SEPTIN7: variants seen among roughly 807,000 people sequenced by gnomAD.
SEPTIN7 encodes septin-7.
SEPTIN7 carries 10 observed loss-of-function variants against 63.3 expected under a neutral mutation model. That is an observed-to-expected ratio of 0.16 (90% CI 0.10 to 0.27). The LOEUF (loss-of-function observed/expected upper bound fraction) is 0.27. SEPTIN7 is among the 10% of genes least tolerant of loss of function. The probability of loss-of-function intolerance (pLI) is 1.00; values close to 1 mark genes in which losing one functional copy is unlikely to be tolerated. For synonymous variants in SEPTIN7, 131 were observed against 165.3 expected, an observed-to-expected ratio of 0.79 and a Z score of 1.59; for missense variants, 310 against 521.0, an observed-to-expected ratio of 0.59 and a Z score of 3.94.
intron 1 of SEPTIN7, among the ~76,000 whole-genome samples, chr7:35,827,653 G>C (rs1326716104): frequency 2.0e-5 from 3 of 152,048 alleles, no homozygotes; most frequent in African/African-American, 7.2e-5. Context: ...ACTATGCCCA[G>C]CTAATTTATG....
At chr7:35,896,368 G>C (rs1477488895) in intron 11 of SEPTIN7, among the ~76,000 whole-genome samples, 1 of 152,114 alleles carries the variant, frequency 6.6e-6, no homozygotes, top group African/African-American at 2.4e-5. Context: ...ATTGTTTTTA[G>C]ATTGTTTCTT....
At chr7:35,856,749 G>T (rs1286670807) in intron 3 of SEPTIN7, among the ~76,000 whole-genome samples, 2 of 152,218 alleles carry the variant, frequency 1.3e-5, no homozygotes, top group Non-Finnish European at 2.9e-5. Context: ...GAGCCTCAAG[G>T]TGGGGAGATG....
intron 9 of SEPTIN7, among the ~76,000 whole-genome samples, chr7:35,884,756 A>G (rs1787124555): frequency 6.6e-6 from 1 of 152,204 alleles, no homozygotes; most frequent in Non-Finnish European, 1.5e-5. Context: ...AATTTCGTTA[A>G]TAAGAGATCC....
chr7:35,810,194 A>G (rs1788601072), intron 1 of SEPTIN7, among the ~76,000 whole-genome samples: 1 of 152,142 alleles, frequency 6.6e-6, no homozygotes. Context: ...TGTGCTTTGA[A>G]TTTTTATGTT....
intron 3 of SEPTIN7, chr7:35,838,530 C>A (rs1234110312): frequency 1.3e-5 from 2 of 151,214 alleles, no homozygotes; most frequent in Non-Finnish European, 2.9e-5. Context: ...CCACCGTGCC[C>A]AGCTAATTTT....
At chr7:35,822,497 A>G (rs1197111750) in intron 1 of SEPTIN7, among the ~76,000 whole-genome samples, 1 of 152,158 alleles carries the variant, frequency 6.6e-6, no homozygotes, top group East Asian at 1.9e-4. Context: ...AACAGTTCAC[A>G]ATAGGGTTCA....
intron 1 of SEPTIN7, among the ~76,000 whole-genome samples, chr7:35,806,715 G>A (rs1473994837): frequency 6.6e-6 from 1 of 152,152 alleles, no homozygotes; most frequent in Admixed American, 6.5e-5. Flanking sequence ...GGTAACCACT[G>A]ATAAGATTTC....
downstream of SEPTIN7, among the ~76,000 whole-genome samples, chr7:35,911,519 G>A (rs1788740981): frequency 6.6e-6 from 1 of 152,126 alleles, no homozygotes; most frequent in African/African-American, 2.4e-5. Context: ...GATTCCTATG[G>A]AATCATTATT....
At chr7:35,808,315 A>G (rs1369356277) in intron 1 of SEPTIN7, among the ~76,000 whole-genome samples, 5 of 152,200 alleles carry the variant, frequency 3.3e-5, no homozygotes, top group Non-Finnish European at 7.3e-5. Context: ...GGAAGTTAAA[A>G]ACATTTATCC....
chr7:35,823,846 C>T (rs1297877791), intron 1 of SEPTIN7, among the ~76,000 whole-genome samples: 1 of 151,898 alleles, frequency 6.6e-6, no homozygotes, highest in Non-Finnish European at 1.5e-5. Context: ...TCTTAAAATC[C>T]CCTACTTCTC....
chr7:35,804,802 A>G (rs1464445541), intron 1 of SEPTIN7, among the ~76,000 whole-genome samples: 1 of 149,366 alleles, frequency 6.7e-6, no homozygotes, highest in African/African-American at 2.5e-5. Context: ...ACTGTAAACA[A>G]TTATGACAAA....
At chr7:35,858,803 C>G (rs1439147351) in intron 3 of SEPTIN7, among the ~76,000 whole-genome samples, 1 of 151,972 alleles carries the variant, frequency 6.6e-6, no homozygotes, top group Non-Finnish European at 1.5e-5. Context: ...GCCTCAGCCT[C>G]CCAAGTAGCT....
At chr7:35,896,190 TG>T (rs1241218888) in intron 11 of SEPTIN7, among the ~76,000 whole-genome samples, 5 of 152,122 alleles carry the variant, frequency 3.3e-5, no homozygotes, top group Non-Finnish European at 7.4e-5. Flanking sequence ...ATAATTTAGG[TG>T]GCAAAAATAC....
intron 11 of SEPTIN7, among the ~76,000 whole-genome samples, chr7:35,891,432 A>G (rs1787637868): frequency 6.6e-6 from 1 of 152,212 alleles, no homozygotes; most frequent in Non-Finnish European, 1.5e-5. Context: ...TGGTCTAGCT[A>G]TTCCTTGCAG....
chr7:35,888,033 G>A lies in SEPTIN7; in HGVS notation c.872+2154G>A, dbSNP rs75873404. 1.5e-4 allele frequency among the ~76,000 whole-genome samples: 23 copies of A among 152,210 alleles called. No individual in the cohort carries two copies. The East Asian group carries it at 4.2e-3, about 28-fold the overall frequency. On this transcript the variant is annotated intron_variant, in intron 10 of 13. Coordinates refer to ENST00000350320, the MANE Select transcript of SEPTIN7 (RefSeq NM_001788.6). ...TAATTAAGAGAACTAACTTACTCCAGGCAAACCAAGGAAGACGATGGAAAG... is the reference window on the plus strand; with the variant it reads ...TAATTAAGAGAACTAACTTACTCCAAGCAAACCAAGGAAGACGATGGAAAG...
At chr7:35,810,670 G>T (rs1299816978) in intron 1 of SEPTIN7, among the ~76,000 whole-genome samples, 5 of 152,032 alleles carry the variant, frequency 3.3e-5, no homozygotes, top group Non-Finnish European at 7.4e-5. Flanking sequence ...CACAGCAGCA[G>T]TTGCTTCAGA....
At chr7:35,815,435 A>G (rs910568931) in intron 1 of SEPTIN7, among the ~76,000 whole-genome samples, 1 of 152,230 alleles carries the variant, frequency 6.6e-6, no homozygotes, top group Admixed American at 6.5e-5. Flanking sequence ...TGGTACATCG[A>G]TTCCAATCTA....
chr7:35,892,720 A>G (rs1787722334), intron 11 of SEPTIN7, among the ~76,000 whole-genome samples: 1 of 152,040 alleles, frequency 6.6e-6, no homozygotes, highest in African/African-American at 2.4e-5. Flanking sequence ...TGCATATACA[A>G]AATTCTACTG....
intron 13 of SEPTIN7, among the ~76,000 whole-genome samples, chr7:35,903,811 A>G (rs547204219): frequency 9.2e-5 from 14 of 152,328 alleles, no homozygotes; most frequent in African/African-American, 3.4e-4. Context: ...AAACATTTTC[A>G]GATTTGACAT....
Sources: allele counts gnomAD v4.1 joint callset (sites outside exome capture counted in the v4.1 genomes callset), GRCh38; gene constraint gnomAD v4.1.1; transcripts MANE v1.5; gene names NCBI Gene and HGNC (gene_info 2026-07-23, HGNC 2026-07-21).